LPP: variants seen among roughly 807,000 people sequenced by gnomAD.
LPP encodes LIM domain containing preferred translocation partner in lipoma.
LPP carries 38 observed loss-of-function variants against 60.4 expected under a neutral mutation model. The ratio of observed to expected loss-of-function variants is 0.63; its 90% CI spans 0.49 to 0.83. LPP has a LOEUF of 0.83. Ranked by LOEUF, LPP falls within the 40% of genes least tolerant of loss-of-function variation. The pLI is 0.00. For missense variants in LPP, 902 were observed against 783.6 expected (o/e 1.15, Z -1.80); for synonymous variants, 328 against 290.8 (o/e 1.13, Z -1.30).
chr3:188,345,510 A>G (rs1764099206), intron 3 of LPP, among the ~76,000 whole-genome samples: 1 of 152,164 alleles, frequency 6.6e-6, no homozygotes, highest in Admixed American at 6.5e-5. Context: ...CATTAAAAAA[A>G]AGAAGACAGA....
At chr3:188,568,393 T>C (rs560210703) in intron 6 of LPP, 3 of 152,002 alleles carry the variant, frequency 2.0e-5, no homozygotes, top group Non-Finnish European at 4.4e-5. Context: ...CCACTGACTC[T>C]GGTTTTAAAG....
chr3:188,713,061 A>T (rs1712261420), intron 8 of LPP, among the ~76,000 whole-genome samples: 1 of 152,208 alleles, frequency 6.6e-6, no homozygotes, highest in African/African-American at 2.4e-5. Context: ...AGTACAAAGG[A>T]GAAAAGGAAC....
At chr3:188,321,144 A>C (rs866600449) in intron 2 of LPP, among the ~76,000 whole-genome samples, 1 of 152,154 alleles carries the variant, frequency 6.6e-6, no homozygotes, top group Non-Finnish European at 1.5e-5. Flanking sequence ...GAGTACTTGT[A>C]TCTCAATCAA....
intron 4 of LPP, among the ~76,000 whole-genome samples, chr3:188,418,241 G>A (rs1786861347): frequency 6.6e-6 from 1 of 152,112 alleles, no homozygotes; most frequent in African/African-American, 2.4e-5. Context: ...CTTCCCTTAA[G>A]TATTGGTAAT....
At chr3:188,337,942 T>G (rs1356686051) in intron 2 of LPP, among the ~76,000 whole-genome samples, 1 of 152,268 alleles carries the variant, frequency 6.6e-6, no homozygotes, top group African/African-American at 2.4e-5. Context: ...GCTGGAGATT[T>G]GTAAGCTACT....
chr3:188,797,889 G>A (rs1324322409), intron 9 of LPP, among the ~76,000 whole-genome samples: 1 of 152,166 alleles, frequency 6.6e-6, no homozygotes, highest in Middle Eastern at 3.2e-3. Context: ...AAAATGCTTT[G>A]AGGTTGAATT....
At chr3:188,501,914 T>TA (rs1158049738) in intron 5 of LPP, among the ~76,000 whole-genome samples, 1,739 of 145,274 alleles carry the variant, frequency 0.012, 21 homozygotes, top group African/African-American at 0.031. Context: ...GAGACTCCAT[T>TA]AAAAAAAAAA....
intron 3 of LPP, among the ~76,000 whole-genome samples, chr3:188,345,645 C>A (rs1037968955): frequency 4.6e-5 from 7 of 152,190 alleles, no homozygotes; most frequent in African/African-American, 1.4e-4. Context: ...CCCTTTCAGA[C>A]CCTTCTCTCT....
At chr3:188,183,173 G>C (rs944674906) in intron 1 of LPP, among the ~76,000 whole-genome samples, 1 of 152,148 alleles carries the variant, frequency 6.6e-6, no homozygotes, top group Non-Finnish European at 1.5e-5. Context: ...TCTTGTCCTC[G>C]GATCTCTGAG....
chr3:188,167,590 GT>G (rs35903893), intron 1 of LPP, among the ~76,000 whole-genome samples: 37 of 139,088 alleles, frequency 2.7e-4, no homozygotes, highest in Admixed American at 3.5e-4. Context: ...TGTGTGTGTT[GT>G]TTTTTTTTTT....
In LPP at chr3:188,215,420, G is replaced by A. The variant is rs118020537; in HGVS notation, c.-189-9985G>A. On this transcript the variant is annotated intron_variant, in intron 1 of 11. Coordinates refer to ENST00000617246, the MANE Select transcript of LPP (RefSeq NM_001375462.1). ...GCAATCTGAAACTTTGTACCTATAA[G>A]CAACAGCTACCCATTTTCCTCTCCT... Among the ~76,000 whole-genome samples the A allele has an allele frequency of 4.7e-4, 72 of 152,044 alleles. 2 individuals carry two copies. The East Asian group carries it at 0.014, about 29-fold the overall frequency.
chr3:188,816,198 CTTTT>C (rs34839724), intron 9 of LPP, among the ~76,000 whole-genome samples: 1 of 103,934 alleles, frequency 9.6e-6, no homozygotes, highest in African/African-American at 3.6e-5. Context: ...GCTTCCTTCT[CTTTT>C]TTTTTTTTTT....
chr3:188,718,447 A>C (rs1275995170), intron 8 of LPP, among the ~76,000 whole-genome samples: 1 of 152,234 alleles, frequency 6.6e-6, no homozygotes. Flanking sequence ...AAAAGAATAA[A>C]ATAAATAACT....
At chr3:188,398,902 G>A (rs1781582974) in intron 3 of LPP, among the ~76,000 whole-genome samples, 1 of 152,158 alleles carries the variant, frequency 6.6e-6, no homozygotes, top group African/African-American at 2.4e-5. Flanking sequence ...TCAGGGAAAC[G>A]GGTGACAGAA....
Position 188,609,306 on chromosome 3 carries a change from C to T in LPP, c.575C>T (p.Pro192Leu), listed in dbSNP as rs1322016184. Residue 192 changes from proline (P) to leucine (L), a missense_variant, in exon 7 of 12, where the codon CCT becomes CTT. Physicochemically the swap from Pro to Leu is moderately conservative, Grantham distance 98. Transcript: ENST00000617246. The surrounding 1 kb of genome is among the most constrained non-coding windows in gnomAD (Gnocchi z 6.9). ...PQPAPQAGPI[P>L]VAPIGTLKPQ... ...CCTGCACCCCAGGCTGGACCCATCC[C>T]TGTGGCTCCAATCGGAACACTCAAA... 1.2e-6 allele frequency: 2 copies of T among 1,614,142 alleles called. No individual in the cohort carries two copies. The highest frequency in any genetic ancestry group is 1.7e-5 in the Admixed American group (1 of 60,028).
chr3:188,640,527 T>G (rs1421180076), intron 7 of LPP, among the ~76,000 whole-genome samples: 1 of 145,684 alleles, frequency 6.9e-6, no homozygotes, highest in Non-Finnish European at 1.5e-5. Context: ...ATAATAATAA[T>G]AATAATAATA....
intron 6 of LPP, among the ~76,000 whole-genome samples, chr3:188,552,348 T>C (rs1409525820): frequency 6.6e-6 from 1 of 152,168 alleles, no homozygotes; most frequent in East Asian, 1.9e-4. Flanking sequence ...GAAAACTTTA[T>C]GGGAACTAAG....
At chr3:188,316,128 A>T (rs967447066) in intron 2 of LPP, among the ~76,000 whole-genome samples, 6 of 152,142 alleles carry the variant, frequency 3.9e-5, no homozygotes, top group Non-Finnish European at 8.8e-5. Flanking sequence ...ATACAAAAAA[A>T]CCAGCCAGGC....
chr3:188,323,396 G>A (rs1050940784), intron 2 of LPP, among the ~76,000 whole-genome samples: 3 of 152,076 alleles, frequency 2.0e-5, no homozygotes, highest in Non-Finnish European at 4.4e-5. Context: ...ATCTACTACC[G>A]TTCACCATGC....
Sources: allele counts gnomAD v4.1 joint callset (sites outside exome capture counted in the v4.1 genomes callset), GRCh38; gene constraint gnomAD v4.1.1; non-coding constraint Gnocchi (gnomAD v3.1); transcripts MANE v1.5; gene names NCBI Gene and HGNC (gene_info 2026-07-23, HGNC 2026-07-21).